Variants in ZNF274 observed in about 807,000 individuals in gnomAD.
ZNF274 encodes zinc finger protein 274, also known as neurotrophin receptor-interacting factor homolog.
Under a neutral mutation model 42.5 loss-of-function variants are expected in ZNF274, and 23 were observed. The ratio of observed to expected loss-of-function variants is 0.54; its 90% CI spans 0.39 to 0.77. The LOEUF (loss-of-function observed/expected upper bound fraction) is 0.77, where lower values mean the gene tolerates loss of function less well. ZNF274 is among the 30% of genes least tolerant of loss of function. The probability of loss-of-function intolerance (pLI) is 0.00; values close to 1 mark genes in which losing one functional copy is unlikely to be tolerated. For synonymous variants in ZNF274, 292 were observed against 305.4 expected (o/e 0.96, Z 0.46); for missense variants, 679 against 806.5 (o/e 0.84, Z 1.91).
chr19:58,187,133 A>G, intron 4 of ZNF274, 91 bp downstream of exon 4: 1 of 1,115,268 alleles, frequency 9.0e-7, no homozygotes, highest in Non-Finnish European at 1.3e-6. Context: ...ACATTGGGAT[A>G]CCCCAGGTGG....
Position 58,207,835 on chromosome 19 carries a change from GTTC to G in ZNF274, c.739+638_739+640del, listed in dbSNP as rs963539627. The stretch of plus-strand genomic sequence containing the variant: ...CTTTAGTCCTAAAGCAAAGCAAAAT[GTTC>G]TTCTAAAACAGTAGGGCTCGATCCC... On this transcript the variant is annotated intron_variant, in intron 5 of 7. Coordinates refer to ENST00000617501, the MANE Select transcript of ZNF274 (RefSeq NM_133502.3). This position sits in a 1 kb window ranked among gnomAD's most constrained non-coding sequence, Gnocchi z 5.6. 9.8e-5 allele frequency among the ~76,000 whole-genome samples: 15 copies of G among 152,338 alleles called. No homozygotes were observed. The highest frequency in any genetic ancestry group is 3.6e-4 in the African/African-American group (15 of 41,592).
At chr19:58,201,402 C>T (rs1408371109) in intron 4 of ZNF274, among the ~76,000 whole-genome samples, 1 of 152,024 alleles carries the variant, frequency 6.6e-6, no homozygotes, top group Non-Finnish European at 1.5e-5. Flanking sequence ...CAGGCCCCAC[C>T]TCCAACACAG....
intron 6 of ZNF274, chr19:58,210,913 A>ATGTCT (rs1211677899): frequency 6.6e-6 from 1 of 151,982 alleles, no homozygotes; most frequent in Non-Finnish European, 1.5e-5. Flanking sequence ...ACGGGGTTTC[A>ATGTCT]CCATGTTGGC....
rs2075899005 is a variant in ZNF274, at chr19:58,200,648, A to C, written c.257-6072A>C. On this transcript the variant is annotated intron_variant, in intron 4 of 7. Transcript: ENST00000617501. ...ACTATACCAGGCAGGAGGGTGGTGC[A>C]CATGTGGATCTCTGGATGAAAGGCC... Among the ~76,000 whole-genome samples, 6 of 152,314 alleles carry C rather than the reference A, an allele frequency of 3.9e-5. No homozygotes were observed. In the South Asian group the frequency reaches 8.3e-4, roughly 21 times the overall value.
chr19:58,186,843 G>A, intron 3 of ZNF274, 104 bp from the exon 4 acceptor site: 1 of 930,894 alleles, frequency 1.1e-6, no homozygotes, highest in East Asian at 2.6e-5. Context: ...CAGAAGTCAT[G>A]TGCCTTAGCA....
chr19:58,187,142 G>A, intron 4 of ZNF274, 100 bp downstream of exon 4: 1 of 1,022,300 alleles, frequency 9.8e-7, no homozygotes, highest in Non-Finnish European at 1.5e-6. Context: ...TACCCCAGGT[G>A]GGATGCTGTG....
At chr19:58,183,573 C>T (rs920840877) in intron 1 of ZNF274, 131 bp downstream of exon 1, 27 of 190,336 alleles carry the variant, frequency 1.4e-4, no homozygotes, top group African/African-American at 6.1e-4. Flanking sequence ...TGCCTGCAGT[C>T]CTCCCGCCGC....
In ZNF274 at chr19:58,212,990, C is replaced by T; in HGVS notation, c.1809C>T (p.Ser603=). The T allele has an allele frequency of 6.2e-7, 1 of 1,613,972 alleles. No individual in the cohort carries two copies. Among genetic ancestry groups the T allele is most frequent in the Non-Finnish European group, 8.5e-7 (1 of 1,179,856 alleles). The change falls in exon 8 of 8, where the codon AGC becomes AGT. Residue 603 remains serine, a synonymous_variant. Coordinates refer to ENST00000617501, the MANE Select transcript of ZNF274 (RefSeq NM_133502.3). The surrounding 1 kb of genome is among the most constrained non-coding windows in gnomAD (Gnocchi z 4.6). ...CQDCGKAFRQ[S]SHLIRHQRTH... ...ACTGTGGAAAAGCCTTCCGCCAGAG[C>T]TCCCACCTCATCAGACATCAGAGGA...
intron 4 of ZNF274, among the ~76,000 whole-genome samples, chr19:58,196,315 C>G (rs1361223873): frequency 1.3e-5 from 2 of 152,220 alleles, no homozygotes; most frequent in African/African-American, 4.8e-5. Context: ...AATTGCAGCA[C>G]TTTGAGAGGC....
intron 6 of ZNF274, 88 bp downstream of exon 6, chr19:58,210,161 C>G: frequency 1.0e-6 from 1 of 973,016 alleles, no homozygotes; most frequent in Non-Finnish European, 1.6e-6. Context: ...CCTGGGCTTT[C>G]CTAAGACCTC....
intron 4 of ZNF274, among the ~76,000 whole-genome samples, chr19:58,203,734 A>C (rs1313411099): frequency 6.6e-6 from 1 of 152,210 alleles, no homozygotes; most frequent in Non-Finnish European, 1.5e-5. Flanking sequence ...CTTATAAATG[A>C]GTTGGAGAGG....
In ZNF274 at chr19:58,208,067, T is replaced by TA. The variant is rs1264756325; in HGVS notation, c.739+866dup. 1 of 152,340 alleles carries TA rather than the reference T, an allele frequency of 6.6e-6. No homozygotes were observed. Among genetic ancestry groups the TA allele is most frequent in the African/African-American group, 2.4e-5 (1 of 41,444 alleles). The allele number at this position is 152,340 out of a possible 1,614,324, so 9.4% of individuals were successfully genotyped here. ...GGAGAGACTACACGTGTGGAGTGTG[T>TA]ATTTGGGAATAAGACTGCAAGACTT... On this transcript the variant is annotated intron_variant, in intron 5 of 7. Coordinates refer to ENST00000617501, the MANE Select transcript of ZNF274 (RefSeq NM_133502.3). This position sits in a 1 kb window ranked among gnomAD's most constrained non-coding sequence, Gnocchi z 4.5.
Position 58,210,028 on chromosome 19 carries a change from GA to G in ZNF274, c.809del (p.Lys270SerfsTer10), listed in dbSNP as rs1568712446. On this transcript the variant is annotated frameshift_variant, in exon 6 of 8. Transcript: ENST00000617501. LOFTEE classifies it high-confidence loss of function. ...CLEVTAQQEE[K>X]QEDAAICPVT... Reference sequence around the variant, plus strand: ...TCGAGGTCACTGCCCAGCAGGAGGAGAAGCAGGAGGATGCAGCCATCTGCCC... The same window carrying G: ...TCGAGGTCACTGCCCAGCAGGAGGAGAGCAGGAGGATGCAGCCATCTGCCC... 6.2e-7 allele frequency: 1 copy of G among 1,613,826 alleles called. No homozygotes were observed. The highest frequency in any genetic ancestry group is 8.5e-7 in the Non-Finnish European group (1 of 1,179,802).
At chr19:58,187,927 G>T (rs1234755083) in intron 4 of ZNF274, among the ~76,000 whole-genome samples, 2 of 152,006 alleles carry the variant, frequency 1.3e-5, no homozygotes, top group Non-Finnish European at 2.9e-5. Flanking sequence ...GTTTCACCAT[G>T]TTGGCCATGC....
rs903014323 is a variant in ZNF274 at position 58,213,065 on chromosome 19, C to T, written c.1884C>T (p.Phe628=). The T allele has an allele frequency of 6.2e-7, 1 of 1,613,972 alleles. No individual in the cohort carries two copies. The highest frequency in any genetic ancestry group is 1.3e-5 in the African/African-American group (1 of 74,924). The change falls in exon 8 of 8, where the codon TTC becomes TTT. Residue 628 remains phenylalanine (F), a synonymous_variant. Coordinates refer to ENST00000617501, the MANE Select transcript of ZNF274 (RefSeq NM_133502.3). Reference sequence around the variant, plus strand: ...CATGCAACAAATGTGGAAAGGCCTTCACCCAGAGCTCACACCTTATTGGGC... The same window carrying T: ...CATGCAACAAATGTGGAAAGGCCTTTACCCAGAGCTCACACCTTATTGGGC... ...PYACNKCGKA[F]TQSSHLIGHQ... is the part of the protein sequence containing the mutation.
At chr19:58,192,211 G>T (rs1026156298) in intron 4 of ZNF274, among the ~76,000 whole-genome samples, 2 of 152,168 alleles carry the variant, frequency 1.3e-5, no homozygotes, top group African/African-American at 4.8e-5. Flanking sequence ...GAGCCTAGTG[G>T]ACTAGGAGTA....
At position 58,212,087 on chromosome 19, in the gene ZNF274, A is replaced by G; in HGVS notation, c.980-74A>G. The G allele has an allele frequency of 1.3e-6, 2 of 1,489,280 alleles. No individual in the cohort carries two copies. Among genetic ancestry groups the G allele is most frequent in the Non-Finnish European group, 1.8e-6 (2 of 1,122,044 alleles). The allele number at this position is 1,489,280 out of a possible 1,614,324, so 92.3% of individuals were successfully genotyped here. ...AAAATCCTGACTTTTGAACTTAATTATGCATTTCATGCTCTCAGACCCATC... is the reference window on the plus strand; with the variant it reads ...AAAATCCTGACTTTTGAACTTAATTGTGCATTTCATGCTCTCAGACCCATC... On this transcript the variant is annotated intron_variant, in intron 7 of 7. Transcript: ENST00000617501. This position sits in a 1 kb window ranked among gnomAD's most constrained non-coding sequence, Gnocchi z 4.6.
At position 58,213,117 on chromosome 19, in the gene ZNF274, C is replaced by T. The variant is rs757289969; in HGVS notation, c.1936C>T (p.Arg646Ter). Residue 646 changes from arginine to a stop codon, truncating the protein, a stop_gained, in exon 8 of 8, where the codon CGA becomes TGA. Coordinates refer to ENST00000617501, the MANE Select transcript of ZNF274 (RefSeq NM_133502.3). LOFTEE classifies it low-confidence loss of function (END_TRUNC). ...CCAGAGAACCCACAATAGGACAAAG[C>T]GAAAGAAGAAACAGCCTACCTCATA... ...GHQRTHNRTK[R>*]KKKQPTS 1.9e-6 allele frequency: 3 copies of T among 1,610,776 alleles called. No homozygotes were observed. Among genetic ancestry groups the T allele is most frequent in the East Asian group, 2.2e-5 (1 of 44,816 alleles).
intron 3 of ZNF274, 60 bp from the exon 4 acceptor site, chr19:58,186,887 G>A (rs1051071269): frequency 6.9e-7 from 1 of 1,458,642 alleles, no homozygotes; most frequent in Admixed American, 1.9e-5. Flanking sequence ...TGCTGCAGTA[G>A]GATAGCATTT....
Sources: gnomAD v4.1 joint callset for allele counts (sites outside exome capture counted in the v4.1 genomes callset) on GRCh38, gnomAD v4.1.1 for gene constraint, Gnocchi (gnomAD v3.1) non-coding constraint, MANE v1.5 for transcripts, NCBI Gene and HGNC (gene_info 2026-07-23, HGNC 2026-07-21) for gene names.